The following MCTP1 variants were observed in gnomAD, a reference collection of about 807,000 sequenced individuals.
MCTP1 encodes the protein multiple C2 and transmembrane domain-containing protein 1.
A neutral mutation model predicts 120.6 loss-of-function variants in MCTP1; 69 were observed. That is an observed-to-expected ratio of 0.57 (90% CI 0.47 to 0.70). The LOEUF (loss-of-function observed/expected upper bound fraction) is 0.70. Ranked by LOEUF, MCTP1 falls within the 30% of genes least tolerant of loss-of-function variation. The pLI is 0.00. For missense variants in MCTP1, 1,203 were observed against 1,248.8 expected (o/e 0.96, Z 0.55); for synonymous variants, 529 against 493.1 (o/e 1.07, Z -0.96).
rs1801950284 is a variant in MCTP1, at chr5:94,889,053, T to G, written c.1840-81A>C. The G allele has an allele frequency of 5.5e-6, 5 of 909,440 alleles. No homozygotes were observed. In the Admixed American group the frequency reaches 1.0e-4, roughly 18 times the overall value. 56.3% of individuals were successfully genotyped at this position (909,440 alleles called of 1,614,324 possible). ...GTGTGCTGAGAAAACATTACATTTTTTAGTTTATCTTCAGACTCTGGGGGT... is the reference window on the plus strand; with the variant it reads ...GTGTGCTGAGAAAACATTACATTTTGTAGTTTATCTTCAGACTCTGGGGGT... On this transcript the variant is annotated intron_variant, in intron 11 of 22. Coordinates refer to ENST00000515393, the MANE Select transcript of MCTP1 (RefSeq NM_024717.7).
intron 2 of MCTP1, among the ~76,000 whole-genome samples, chr5:94,954,171 TATATATATATGC>T (rs1407910996): frequency 7.9e-5 from 3 of 37,988 alleles, no homozygotes; most frequent in African/African-American, 3.2e-4. Context: ...TATATATACA[TATATATATATGC>T]ATATATATAT....
At chr5:94,833,106 GA>G (rs1253954746) in intron 17 of MCTP1, among the ~76,000 whole-genome samples, 1 of 151,930 alleles carries the variant, frequency 6.6e-6, no homozygotes, top group Non-Finnish European at 1.5e-5. Flanking sequence ...AAACGCATCT[GA>G]AAAAAATAAG....
At chr5:94,864,930 G>A (rs549797746) in intron 17 of MCTP1, among the ~76,000 whole-genome samples, 364 of 151,988 alleles carry the variant, frequency 2.4e-3, no homozygotes, top group Non-Finnish European at 3.8e-3. Context: ...AGAGCCTGAT[G>A]AAAATTAGGC....
At chr5:94,905,864 T>C (rs1561836064) in intron 10 of MCTP1, among the ~76,000 whole-genome samples, 1 of 152,044 alleles carries the variant, frequency 6.6e-6, no homozygotes, top group South Asian at 2.1e-4. Context: ...CCAGTATAGA[T>C]GAAGAAGATG....
chr5:94,928,937 C>T lies in MCTP1; in HGVS notation c.1212+3016G>A, dbSNP rs536942746. Among the ~76,000 whole-genome samples, 6 of 152,166 alleles carry T rather than the reference C, an allele frequency of 3.9e-5. No homozygotes were observed. The East Asian group carries it at 1.2e-3, about 29-fold the overall frequency. ...TTGATTTCAATAGTTAAATACAACC[C>T]CACATTATGTGAGTGCCACAAGTAA... On this transcript the variant is annotated intron_variant, in intron 6 of 22. Coordinates refer to ENST00000515393, the MANE Select transcript of MCTP1 (RefSeq NM_024717.7).
chr5:95,260,578 A>G (rs1225231894), intron 1 of MCTP1, among the ~76,000 whole-genome samples: 1 of 151,988 alleles, frequency 6.6e-6, no homozygotes, highest in South Asian at 2.1e-4. Flanking sequence ...GGTGAGTGTA[A>G]ATATATATAT....
intron 17 of MCTP1, among the ~76,000 whole-genome samples, chr5:94,805,697 T>G (rs953603694): frequency 2.0e-5 from 3 of 151,554 alleles, no homozygotes; most frequent in Non-Finnish European, 4.4e-5. Context: ...AGAGAGAACT[T>G]TAAGGAAAAA....
chr5:94,732,355 T>C (rs1763284287), intron 19 of MCTP1, among the ~76,000 whole-genome samples: 1 of 152,038 alleles, frequency 6.6e-6, no homozygotes, highest in African/African-American at 2.4e-5. Context: ...TCATTAGCTG[T>C]TGTTAGTGTT....
At chr5:95,093,171 C>A (rs1348426125) in intron 1 of MCTP1, among the ~76,000 whole-genome samples, 1 of 152,140 alleles carries the variant, frequency 6.6e-6, no homozygotes, top group Non-Finnish European at 1.5e-5. Context: ...TATTTAGTTG[C>A]AAAGGTCGTT....
intron 3 of MCTP1, among the ~76,000 whole-genome samples, chr5:94,945,603 A>G (rs1255545889): frequency 6.6e-6 from 1 of 152,206 alleles, no homozygotes; most frequent in Non-Finnish European, 1.5e-5. Flanking sequence ...AAACAGTCAA[A>G]GTCTTTGATT....
In MCTP1 at chr5:95,232,155, C is replaced by T. The variant is rs1023469771; in HGVS notation, c.720+51701G>A. On this transcript the variant is annotated intron_variant, in intron 1 of 22. Coordinates refer to ENST00000515393, the MANE Select transcript of MCTP1 (RefSeq NM_024717.7). The stretch of plus-strand genomic sequence containing the variant: ...GCCAGATAAGAATAACTAAAGTGAT[C>T]ACTAAAAAAAAAAAAAAAAAAACAG... 1.2e-4 allele frequency among the ~76,000 whole-genome samples: 10 copies of T among 85,270 alleles called. No homozygotes were observed. The Admixed American group carries it at 1.2e-3, about 11-fold the overall frequency. 55.9% of individuals were successfully genotyped at this position (85,270 alleles called of 152,430 possible). A position where few individuals can be genotyped will look rare whatever the true frequency, so the allele number is the denominator to read the frequency against.
At chr5:95,132,764 T>C (rs188522470) in intron 1 of MCTP1, among the ~76,000 whole-genome samples, 1 of 152,352 alleles carries the variant, frequency 6.6e-6, no homozygotes, top group East Asian at 1.9e-4. Flanking sequence ...GGAAGAAGTC[T>C]CATGAGCTTT....
chr5:94,791,093 C>T lies in MCTP1; in HGVS notation c.2556+7920G>A, dbSNP rs143442807. 4.5e-4 allele frequency among the ~76,000 whole-genome samples: 56 copies of T among 123,720 alleles called. No individual in the cohort carries two copies. The East Asian group carries it at 0.01, about 23-fold the overall frequency. The allele number at this position is 123,720 out of a possible 152,430, so 81.2% of individuals were successfully genotyped here. A position where few individuals can be genotyped will look rare whatever the true frequency, so the allele number is the denominator to read the frequency against. On this transcript the variant is annotated intron_variant, in intron 18 of 22. Coordinates refer to ENST00000515393, the MANE Select transcript of MCTP1 (RefSeq NM_024717.7). The stretch of plus-strand genomic sequence containing the variant: ...TTCCAGACCAGCCTAGCCAATACGG[C>T]GAAATCCCGTCTCTACTACAAAAAA...
At chr5:94,785,894 G>C (rs1777569270) in intron 18 of MCTP1, among the ~76,000 whole-genome samples, 1 of 152,026 alleles carries the variant, frequency 6.6e-6, no homozygotes, top group Non-Finnish European at 1.5e-5. Context: ...CAATAATTTT[G>C]GGAGCTGCAA....
chr5:94,953,866 TATACAAATATATATGC>T (rs1269948041), intron 2 of MCTP1, among the ~76,000 whole-genome samples: 2 of 108,772 alleles, frequency 1.8e-5, no homozygotes, highest in East Asian at 2.1e-4. Flanking sequence ...TATGCATATA[TATACAAATATATATGC>T]ATATATATAC....
In MCTP1 at chr5:94,708,587, C is replaced by G. The variant is rs1218043678; in HGVS notation, c.2853G>C (p.Lys951Asn). The change falls in exon 22 of 23, where the codon AAG becomes AAC. Residue 951 changes from lysine to asparagine, a missense_variant. Lys to Asn is a moderately conservative substitution (Grantham distance 94, BLOSUM62 0). Coordinates refer to ENST00000515393, the MANE Select transcript of MCTP1 (RefSeq NM_024717.7). ...TATCAATTGCATATGGACTCCGAAG[C>G]TTTTTTGTAAATTTATTGATGCCTG... Reference protein sequence around the residue: ...LVWGINKFTKKLRSPYAIDNN... With the variant: ...LVWGINKFTKNLRSPYAIDNN... 1 of 1,609,900 alleles carries G rather than the reference C, an allele frequency of 6.2e-7. No homozygotes were observed. The highest frequency in any genetic ancestry group is 8.5e-7 in the Non-Finnish European group (1 of 1,176,948).
chr5:95,032,807 TCAA>T (rs1274588425), intron 1 of MCTP1, among the ~76,000 whole-genome samples: 1 of 151,900 alleles, frequency 6.6e-6, no homozygotes, highest in Non-Finnish European at 1.5e-5. Context: ...AGTTGTTTCT[TCAA>T]AAGGATAAAC....
Position 94,873,285 on chromosome 5 carries a change from C to CA in MCTP1, c.1934-45dup, listed in dbSNP as rs370391992. 523 of 1,061,766 alleles carry CA rather than the reference C, an allele frequency of 4.9e-4. 3 individuals are homozygous for CA. The African/African-American group carries it at 7.1e-3, about 14-fold the overall frequency. 65.8% of individuals were successfully genotyped at this position (1,061,766 alleles called of 1,614,324 possible). A position where few individuals can be genotyped will look rare whatever the true frequency, so the allele number is the denominator to read the frequency against. The stretch of plus-strand genomic sequence containing the variant: ...AAATATTTTTAGTGTACATAGCACC[C>CA]ACAGTTCACAGTGTCAAGATCATGA... On this transcript the variant is annotated intron_variant, in intron 12 of 22. Transcript: ENST00000515393.
intron 2 of MCTP1, among the ~76,000 whole-genome samples, chr5:95,016,565 T>C (rs1837151488): frequency 1.3e-5 from 2 of 151,840 alleles, no homozygotes. Context: ...TGTCTGACAA[T>C]GAGTTAGCAA....
Sources: gnomAD v4.1 joint callset for allele counts (sites outside exome capture counted in the v4.1 genomes callset) on GRCh38, gnomAD v4.1.1 for gene constraint, MANE v1.5 for transcripts, NCBI Gene and HGNC (gene_info 2026-07-23, HGNC 2026-07-21) for gene names.